Variants in CALML4 observed in about 807,000 individuals in gnomAD.
CALML4 encodes the protein calmodulin-like protein 4.
In CALML4, 16 loss-of-function variants were observed where a neutral mutation model predicts 17.9. The ratio of observed to expected loss-of-function variants is 0.89; its 90% CI spans 0.61 to 1.36. The LOEUF (loss-of-function observed/expected upper bound fraction) is 1.36, where lower values mean the gene tolerates loss of function less well. Ranked by LOEUF, CALML4 falls within the 40% of genes most tolerant of loss-of-function variation. The probability of loss-of-function intolerance (pLI) is 0.00; values close to 1 mark genes in which losing one functional copy is unlikely to be tolerated. For missense variants in CALML4, 203 were observed against 194.8 expected (o/e 1.04, Z -0.25); for synonymous variants, 86 against 71.5 (o/e 1.20, Z -1.02).
In CALML4 at chr15:68,197,643, AAC is replaced by A. The variant is rs1595810260; in HGVS notation, c.176-17_176-16del. 1 of 1,612,668 alleles carries A rather than the reference AAC, an allele frequency of 6.2e-7. No homozygotes were observed. The stretch of plus-strand genomic sequence containing the variant: ...TCCATTTCCGTCTAGGAAACCCGCA[AAC>A]ACAGCAGAGTGAGCAGAGGGAAAAA... On this transcript the variant is annotated splice_polypyrimidine_tract_variant and intron_variant, in intron 3 of 4. Transcript: ENST00000467889. This position sits in a 1 kb window ranked among gnomAD's most constrained non-coding sequence, Gnocchi z 4.1.
rs2093175433 is a variant in CALML4, at chr15:68,204,443, G to A, written c.34+678C>T. 6.6e-6 allele frequency among the ~76,000 whole-genome samples: 1 copy of A among 152,182 alleles called. No homozygotes were observed. Among genetic ancestry groups the A allele is most frequent in the Non-Finnish European group, 1.5e-5 (1 of 68,032 alleles). On this transcript the variant is annotated intron_variant, in intron 2 of 4. Transcript: ENST00000467889. This position sits in a 1 kb window ranked among gnomAD's most constrained non-coding sequence, Gnocchi z 6.0. The stretch of plus-strand genomic sequence containing the variant: ...CAAGCAGCAGCTGGCTGTGCCTCCT[G>A]GGCCTCTCCTGCCAGGTGCAGGGGG...
At chr15:68,194,176 T>A in intron 4 of CALML4, 64 bp from the exon 5 acceptor site, 1 of 1,319,210 alleles carries the variant, frequency 7.6e-7, no homozygotes, top group Non-Finnish European at 1.1e-6. Flanking sequence ...ACAGTGAGTT[T>A]TTTGGGGACT....
In CALML4 at chr15:68,199,653, G is replaced by A; in HGVS notation, c.63C>T (p.Asp21=). 6.2e-7 allele frequency: 1 copy of A among 1,613,368 alleles called. No individual in the cohort carries two copies. Among genetic ancestry groups the A allele is most frequent in the Non-Finnish European group, 8.5e-7 (1 of 1,179,932 alleles). Residue 21 remains aspartate, a synonymous_variant, in exon 3 of 5, where the codon GAC becomes GAT. Transcript: ENST00000467889. The stretch of plus-strand genomic sequence containing the variant: ...CTTTTATCTTCCCCCTCTGCTGCTT[G>A]TCATACAGGGAGAAGCATTCCTTGT... ...NEYKECFSLY[D]KQQRGKIKAT... is the part of the protein sequence containing the mutation.
chr15:68,203,186 G>GTTTGAA (rs1309182943), intron 2 of CALML4, among the ~76,000 whole-genome samples: 1 of 152,154 alleles, frequency 6.6e-6, no homozygotes, highest in African/African-American at 2.4e-5. Context: ...CTGACATCAG[G>GTTTGAA]TGATCCACAT....
chr15:68,202,808 T>A (rs1458032661), intron 2 of CALML4, among the ~76,000 whole-genome samples: 2 of 106,118 alleles, frequency 1.9e-5, no homozygotes, highest in South Asian at 3.3e-4. Context: ...CATGACCGGC[T>A]TTTTTTTTTT....
chr15:68,203,651 C>T (rs559981727), intron 2 of CALML4, among the ~76,000 whole-genome samples: 9 of 152,192 alleles, frequency 5.9e-5, no homozygotes, highest in Non-Finnish European at 1.3e-4. Context: ...TATGCCTGGC[C>T]CAGCGTCCAG....
At chr15:68,205,814 C>A, upstream of CALML4, 1 of 193,864 alleles carries the variant, frequency 5.2e-6, no homozygotes, top group South Asian at 9.4e-5. The surrounding 1 kb of genome is among the most constrained non-coding windows in gnomAD (Gnocchi z 4.8). Context: ...TCCCCGTCTG[C>A]TGACTTGCTG....
In CALML4 at chr15:68,205,145, A is replaced by G. The variant is rs2093178245; in HGVS notation, c.10T>C (p.Phe4Leu). 2 of 1,614,048 alleles carry G rather than the reference A, an allele frequency of 1.2e-6. No individual in the cohort carries two copies. The highest frequency in any genetic ancestry group is 2.7e-5 in the African/African-American group (2 of 74,914). Reference protein sequence around the residue: MAKFLSQDQINEYK... With the variant: MAKLLSQDQINEYK... ...CCATTAATTTGGTCTTGGGAAAGAA[A>G]CTTGGCCTGCAGCAGAGAAAGGAAA... is the stretch of plus-strand genomic sequence containing the variant. Residue 4 changes from phenylalanine to leucine, a missense_variant, in exon 2 of 5, where the codon TTT (phenylalanine) becomes CTT (leucine). By Grantham distance (22) the Phe-to-Leu change is conservative (BLOSUM62 0). Transcript: ENST00000467889. The surrounding 1 kb of genome is among the most constrained non-coding windows in gnomAD (Gnocchi z 4.8).
intron 3 of CALML4, chr15:68,198,247 CAG>C (rs1216820856): frequency 6.6e-6 from 1 of 152,358 alleles, no homozygotes; most frequent in African/African-American, 2.4e-5. Context: ...TCTCAGGTAT[CAG>C]ACCACTGAGC....
chr15:68,199,830 G>A, intron 2 of CALML4, 149 bp from the exon 3 acceptor site: 1 of 747,762 alleles, frequency 1.3e-6, no homozygotes. Context: ...GCTAGATACA[G>A]CAAATGAAAA....
rs1447657092 is a variant in CALML4, at chr15:68,200,250, ATAT to A, written c.35-572_35-570del. Among the ~76,000 whole-genome samples, 5 of 152,192 alleles carry A rather than the reference ATAT, an allele frequency of 3.3e-5. No homozygotes were observed. Among genetic ancestry groups the A allele is most frequent in the Non-Finnish European group, 5.9e-5 (4 of 68,024 alleles). On this transcript the variant is annotated intron_variant, in intron 2 of 4. Transcript: ENST00000467889. This position sits in a 1 kb window ranked among gnomAD's most constrained non-coding sequence, Gnocchi z 4.3. ...GCCAGAGAGTGGCCTTCATATGATG[ATAT>A]TATCATCATCATCAGAGCTGGGGCA...
Position 68,197,853 on chromosome 15 carries a change from C to T in CALML4, c.176-225G>A, listed in dbSNP as rs532273367. On this transcript the variant is annotated intron_variant, in intron 3 of 4. Coordinates refer to ENST00000467889, the MANE Select transcript of CALML4 (RefSeq NM_033429.3). The surrounding 1 kb of genome is among the most constrained non-coding windows in gnomAD (Gnocchi z 4.1). ...TTCATTTCAGCAACGTCCTCAGTGACGATGCTTATCATCACCCCAAAGCTC... is the reference window on the plus strand; with the variant it reads ...TTCATTTCAGCAACGTCCTCAGTGATGATGCTTATCATCACCCCAAAGCTC... 7.3e-5 allele frequency: 38 copies of T among 518,110 alleles called. No homozygotes were observed. The highest frequency in any genetic ancestry group is 3.2e-4 in the East Asian group (10 of 31,066). 32.1% of individuals were successfully genotyped at this position (518,110 alleles called of 1,614,324 possible).
intron 3 of CALML4, chr15:68,198,548 CTT>C (rs932049748): frequency 6.6e-6 from 1 of 152,220 alleles, no homozygotes; most frequent in Non-Finnish European, 1.5e-5. Flanking sequence ...TCTGAAACTA[CTT>C]TTTTTCTTAG....
chr15:68,202,310 T>C (rs2093167756), intron 2 of CALML4, among the ~76,000 whole-genome samples: 1 of 152,240 alleles, frequency 6.6e-6, no homozygotes, highest in South Asian at 2.1e-4. Context: ...TTCTTTATTA[T>C]AAATTCCATC....
At position 68,191,539 on chromosome 15, in the gene CALML4, C is replaced by A. The variant is rs2141117089; in HGVS notation, c.*2476G>T. On this transcript the variant is annotated 3_prime_UTR_variant, in exon 5 of 5. Coordinates refer to ENST00000467889, the MANE Select transcript of CALML4 (RefSeq NM_033429.3). ...ATGAGACAAGTGATAATGGTTTGTG[C>A]TTCCAAAGCACCTTTCATCCAGAGA... 1 of 152,762 alleles carries A rather than the reference C, an allele frequency of 6.5e-6. No homozygotes were observed. Among genetic ancestry groups the A allele is most frequent in the Admixed American group, 6.5e-5 (1 of 15,308 alleles). 9.5% of individuals were successfully genotyped at this position (152,762 alleles called of 1,614,324 possible).
Position 68,191,485 on chromosome 15 carries a change from A to G in CALML4, c.*2530T>C, listed in dbSNP as rs2093119886. Reference sequence around the variant, plus strand: ...GTTAATTTGTCTTCTGTAAAATAACACTGCTGGATGTTCAAGGGGACAATC... The same window carrying G: ...GTTAATTTGTCTTCTGTAAAATAACGCTGCTGGATGTTCAAGGGGACAATC... On this transcript the variant is annotated 3_prime_UTR_variant, in exon 5 of 5. Transcript: ENST00000467889. The G allele has an allele frequency of 2.0e-5, 3 of 152,696 alleles. No individual in the cohort carries two copies. Among genetic ancestry groups the G allele is most frequent in the Admixed American group, 2.0e-4 (3 of 15,286 alleles). 9.5% of individuals were successfully genotyped at this position (152,696 alleles called of 1,614,324 possible). A position where few individuals can be genotyped will look rare whatever the true frequency, so the allele number is the denominator to read the frequency against.
At chr15:68,202,665 G>A (rs1432976436) in intron 2 of CALML4, among the ~76,000 whole-genome samples, 4 of 130,114 alleles carry the variant, frequency 3.1e-5, no homozygotes, top group Admixed American at 7.9e-5. Context: ...TTTTTTTTGA[G>A]AGAGTTTTGC....
Position 68,192,970 on chromosome 15 carries a change from C to T in CALML4, c.*1045G>A, listed in dbSNP as rs1269569915. 3.3e-5 allele frequency: 5 copies of T among 152,310 alleles called. No homozygotes were observed. Among genetic ancestry groups the T allele is most frequent in the African/African-American group, 1.2e-4 (5 of 41,450 alleles). The allele number at this position is 152,310 out of a possible 1,614,324, so 9.4% of individuals were successfully genotyped here. ...TGAATCTCTGGCAGCACCAACCTGG[C>T]ACCTTCTAGCTGTGTAACTCACTCA... On this transcript the variant is annotated 3_prime_UTR_variant, in exon 5 of 5. Coordinates refer to ENST00000467889, the MANE Select transcript of CALML4 (RefSeq NM_033429.3).
At chr15:68,202,380 A>G (rs2093167976) in intron 2 of CALML4, among the ~76,000 whole-genome samples, 1 of 152,210 alleles carries the variant, frequency 6.6e-6, no homozygotes, top group Admixed American at 6.5e-5. Context: ...GTGAGACAGG[A>G]GTATCGCTTG....
Sources: gnomAD v4.1 joint callset for allele counts (sites outside exome capture counted in the v4.1 genomes callset) on GRCh38, gnomAD v4.1.1 for gene constraint, Gnocchi (gnomAD v3.1) non-coding constraint, MANE v1.5 for transcripts, NCBI Gene and HGNC (gene_info 2026-07-23, HGNC 2026-07-21) for gene names.